The following MYLK variants were observed in gnomAD, a reference collection of about 807,000 sequenced individuals.
MYLK encodes the protein myosin light chain kinase, smooth muscle.
In MYLK, 106 loss-of-function variants were observed where a neutral mutation model predicts 203.4. The observed-to-expected ratio is 0.52, with a 90% CI of 0.45 to 0.61. The LOEUF is 0.61. MYLK is among the 20% of genes least tolerant of loss of function. The probability of loss-of-function intolerance (pLI) is 0.00; values close to 1 mark genes in which losing one functional copy is unlikely to be tolerated. For missense variants in MYLK, 2,072 were observed against 2,442.3 expected, an observed-to-expected ratio of 0.85 and a Z score of 3.20; for synonymous variants, 867 against 959.5, an observed-to-expected ratio of 0.90 and a Z score of 1.78.
chr3:123,808,373 G>A (rs1560244299), intron 3 of MYLK, among the ~76,000 whole-genome samples: 2 of 152,128 alleles, frequency 1.3e-5, no homozygotes, highest in Non-Finnish European at 2.9e-5. Context: ...CAGCCCAGAG[G>A]GGTGTGGCTG....
rs994209567 is a variant in MYLK, at chr3:123,629,756, C to T, written c.4962-130G>A. ...CCAAACTCATGCTCTGTGGGCCTTG[C>T]ACCTGCCTTTCTTCCACTTGTGGAA... On this transcript the variant is annotated intron_variant, in intron 29 of 33. Transcript: ENST00000360304. The surrounding 1 kb of genome is among the most constrained non-coding windows in gnomAD (Gnocchi z 4.4). 7 of 904,368 alleles carry T rather than the reference C, an allele frequency of 7.7e-6. No homozygotes were observed. The African/African-American group carries it at 9.9e-5, about 13-fold the overall frequency. 56.0% of individuals were successfully genotyped at this position (904,368 alleles called of 1,614,324 possible). A position where few individuals can be genotyped will look rare whatever the true frequency, so the allele number is the denominator to read the frequency against.
At chr3:123,652,918 A>G (rs905474095) in intron 24 of MYLK, among the ~76,000 whole-genome samples, 8 of 152,114 alleles carry the variant, frequency 5.3e-5, no homozygotes, top group African/African-American at 1.9e-4. Flanking sequence ...TCCACGGGGA[A>G]CCCATGCTTT....
At chr3:123,786,576 T>G (rs919170733) in intron 4 of MYLK, among the ~76,000 whole-genome samples, 5 of 149,916 alleles carry the variant, frequency 3.3e-5, no homozygotes, top group Admixed American at 6.6e-5. Context: ...AAAGAAAAAA[T>G]AAGACCTACT....
Position 123,684,495 on chromosome 3 carries a change from A to G in MYLK, c.3566-2185T>C, listed in dbSNP as rs2060380586. ...CCCTTCCTTGAAGACCAGCATTTCT[A>G]ACAGTCACCAATGACAATGTAAAGA... On this transcript the variant is annotated intron_variant, in intron 19 of 33. Transcript: ENST00000360304. 2.0e-5 allele frequency among the ~76,000 whole-genome samples: 3 copies of G among 152,070 alleles called. No individual in the cohort carries two copies. The South Asian group carries it at 6.2e-4, about 32-fold the overall frequency.
intron 3 of MYLK, among the ~76,000 whole-genome samples, chr3:123,815,478 A>G (rs2065717733): frequency 6.6e-6 from 1 of 152,244 alleles, no homozygotes; most frequent in Non-Finnish European, 1.5e-5. Flanking sequence ...CAAGCAAAAC[A>G]TGAGGCTTCT....
At chr3:123,762,298 G>C (rs1426138819) in intron 4 of MYLK, among the ~76,000 whole-genome samples, 3 of 151,404 alleles carry the variant, frequency 2.0e-5, no homozygotes, top group African/African-American at 7.3e-5. Flanking sequence ...GGCAGATCTT[G>C]GCTCACTGCA....
At chr3:123,758,557 C>T (rs2063433201) in intron 4 of MYLK, among the ~76,000 whole-genome samples, 2 of 152,134 alleles carry the variant, frequency 1.3e-5, no homozygotes, top group Non-Finnish European at 2.9e-5. Context: ...GCTTTCTTTT[C>T]CTATGACCCG....
At chr3:123,734,254 G>A in intron 9 of MYLK, 32 bp from the exon 10 acceptor site, 2 of 1,066,862 alleles carry the variant, frequency 1.9e-6, no homozygotes, top group Non-Finnish European at 2.6e-6. Context: ...GGTAGGGTGG[G>A]TGAGGAGAGG....
chr3:123,692,487 C>T, intron 19 of MYLK: 2 of 1,046,596 alleles, frequency 1.9e-6, no homozygotes, highest in South Asian at 3.1e-5. Context: ...GGGATCAGGA[C>T]TGGGAGGGGG....
chr3:123,747,178 G>A (rs1332657713), intron 5 of MYLK, among the ~76,000 whole-genome samples: 1 of 152,152 alleles, frequency 6.6e-6, no homozygotes, highest in Non-Finnish European at 1.5e-5. Context: ...AAGGTGGCCC[G>A]AGAATCCTGG....
chr3:123,845,800 C>T (rs530364093), intron 2 of MYLK, among the ~76,000 whole-genome samples: 2 of 152,274 alleles, frequency 1.3e-5, no homozygotes, highest in South Asian at 4.2e-4. Context: ...ACTACAGCTA[C>T]ACACTTCTAT....
chr3:123,754,777 T>TA (rs1214103197), intron 4 of MYLK, among the ~76,000 whole-genome samples: 2 of 152,186 alleles, frequency 1.3e-5, no homozygotes, highest in South Asian at 4.1e-4. Context: ...GAATTTTACT[T>TA]AAAAAATGCA....
Position 123,629,702 on chromosome 3 carries a change from A to G in MYLK, c.4962-76T>C. Reference sequence around the variant, plus strand: ...ACCAGGTGAGTGGTAACTGAGGTCAAAGGCGAGGGTCGGCCAGCCTCCCCA... The same window carrying G: ...ACCAGGTGAGTGGTAACTGAGGTCAGAGGCGAGGGTCGGCCAGCCTCCCCA... On this transcript the variant is annotated intron_variant, in intron 29 of 33. Coordinates refer to ENST00000360304, the MANE Select transcript of MYLK (RefSeq NM_053025.4). This position sits in a 1 kb window ranked among gnomAD's most constrained non-coding sequence, Gnocchi z 4.4. The G allele has an allele frequency of 6.4e-7, 1 of 1,557,052 alleles. No individual in the cohort carries two copies. Among genetic ancestry groups the G allele is most frequent in the Non-Finnish European group, 8.8e-7 (1 of 1,131,722 alleles).
In MYLK at chr3:123,734,879, G is replaced by GGCTTCGAGCTCAAATACCAAGTTCCCA. The variant is rs2062620336; in HGVS notation, c.773+518_773+519insTGGGAACTTGGTATTTGAGCTCGAAGC. On this transcript the variant is annotated intron_variant, in intron 9 of 33. Transcript: ENST00000360304. ...GTCTGAGCTCAAATACCAAGTTCCC[G>GGCTTCGAGCTCAAATACCAAGTTCCCA]AAATGGCTTCCCTGCCCCTCTATTC... 3 of 192,110 alleles carry GGCTTCGAGCTCAAATACCAAGTTCCCA rather than the reference G, an allele frequency of 1.6e-5. No individual in the cohort carries two copies. The Admixed American group carries it at 1.6e-4, about 10-fold the overall frequency. The allele number at this position is 192,110 out of a possible 1,614,324, so 11.9% of individuals were successfully genotyped here.
chr3:123,758,142 GGGT>G (rs1461157288), intron 4 of MYLK, among the ~76,000 whole-genome samples: 1 of 152,152 alleles, frequency 6.6e-6, no homozygotes, highest in Non-Finnish European at 1.5e-5. Flanking sequence ...TATGTTATGA[GGGT>G]GAAGAGTGAA....
intron 23 of MYLK, among the ~76,000 whole-genome samples, chr3:123,657,972 C>T (rs1464469425): frequency 1.3e-5 from 2 of 152,190 alleles, no homozygotes; most frequent in Admixed American, 6.5e-5. Context: ...CAAGTTTGAA[C>T]ACAGATCTGT....
Position 123,611,639 on chromosome 3 carries a change from C to T in MYLK, c.*2466G>A, listed in dbSNP as rs1047995106. The T allele has an allele frequency of 2.6e-5, 4 of 151,886 alleles. No individual in the cohort carries two copies. Among genetic ancestry groups the T allele is most frequent in the African/African-American group, 7.3e-5 (3 of 41,298 alleles). 9.4% of individuals were successfully genotyped at this position (151,886 alleles called of 1,614,324 possible). A position where few individuals can be genotyped will look rare whatever the true frequency, so the allele number is the denominator to read the frequency against. On this transcript the variant is annotated 3_prime_UTR_variant, in exon 34 of 34. Coordinates refer to ENST00000360304, the MANE Select transcript of MYLK (RefSeq NM_053025.4). Reference sequence around the variant, plus strand: ...ATTCAAGCACATTACATGTATTGTGCATTTTATTTCTATTATTATTACATT... The same window carrying T: ...ATTCAAGCACATTACATGTATTGTGTATTTTATTTCTATTATTATTACATT...
At chr3:123,733,635 C>T in intron 10 of MYLK, 52 bp downstream of exon 10, 8 of 1,605,182 alleles carry the variant, frequency 5.0e-6, no homozygotes, top group Non-Finnish European at 5.1e-6. Context: ...AAGGGAGTGG[C>T]CACCAAGGGG....
chr3:123,654,037 C>T lies in MYLK; in HGVS notation c.4288+3089G>A, dbSNP rs60658869. Among the ~76,000 whole-genome samples the T allele has an allele frequency of 2.5e-3, 286 of 115,554 alleles. 1 individual carries two copies. The highest frequency in any genetic ancestry group is 7.8e-3 in the African/African-American group (279 of 35,622). The allele number at this position is 115,554 out of a possible 152,430, so 75.8% of individuals were successfully genotyped here. A position where few individuals can be genotyped will look rare whatever the true frequency, so the allele number is the denominator to read the frequency against. On this transcript the variant is annotated intron_variant, in intron 24 of 33. Coordinates refer to ENST00000360304, the MANE Select transcript of MYLK (RefSeq NM_053025.4). ...GTGTGTGTGTGTGTGTGTAAGAAGA[C>T]AGTGATGGCAGTTTTGTTACTCAGT...
Sources: allele counts gnomAD v4.1 joint callset (sites outside exome capture counted in the v4.1 genomes callset), GRCh38; gene constraint gnomAD v4.1.1; non-coding constraint Gnocchi (gnomAD v3.1); transcripts MANE v1.5; gene names NCBI Gene and HGNC (gene_info 2026-07-23, HGNC 2026-07-21).